The following CDV3 variants were observed in gnomAD, a reference collection of about 807,000 sequenced individuals.
CDV3 encodes the protein CDV3 homolog.
A neutral mutation model predicts 24.5 loss-of-function variants in CDV3; 14 were observed. The ratio of observed to expected loss-of-function variants is 0.57; its 90% CI spans 0.38 to 0.89. CDV3 has a LOEUF of 0.89. Among genes scored for constraint, CDV3 ranks in the 40% least tolerant of loss-of-function variants. CDV3 has a pLI of 0.00. For synonymous variants in CDV3, 114 were observed against 114.1 expected (o/e 1.00, Z 0.00); for missense variants, 304 against 310.2 (o/e 0.98, Z 0.15).
chr3:133,578,956 T>C (rs2074918149), intron 2 of CDV3, among the ~76,000 whole-genome samples: 1 of 152,204 alleles, frequency 6.6e-6, no homozygotes, highest in Admixed American at 6.6e-5. Context: ...TCTCAAATCT[T>C]AGAGAATATT....
rs1424963103 is a variant in CDV3, at chr3:133,589,658, G to A, written c.*1612G>A. On this transcript the variant is annotated 3_prime_UTR_variant, in exon 5 of 5. Transcript: ENST00000264993. ...TGAGTAAAACTATTTTGACGTGGGA[G>A]CGTTTTCAGATAGGAGTTTAGTCTT... 1 of 152,644 alleles carries A rather than the reference G, an allele frequency of 6.6e-6. No individual in the cohort carries two copies. Among genetic ancestry groups the A allele is most frequent in the Non-Finnish European group, 1.5e-5 (1 of 68,048 alleles). 9.5% of individuals were successfully genotyped at this position (152,644 alleles called of 1,614,324 possible). A position where few individuals can be genotyped will look rare whatever the true frequency, so the allele number is the denominator to read the frequency against.
intron 2 of CDV3, among the ~76,000 whole-genome samples, chr3:133,578,208 A>G (rs2074889978): frequency 6.6e-6 from 1 of 152,108 alleles, no homozygotes; most frequent in Admixed American, 6.5e-5. Flanking sequence ...GCTGGTCTCA[A>G]AACTCCTGGC....
intron 2 of CDV3, among the ~76,000 whole-genome samples, chr3:133,581,051 C>T (rs1932963974): frequency 6.6e-6 from 1 of 151,956 alleles, no homozygotes; most frequent in Non-Finnish European, 1.5e-5. Flanking sequence ...GAGATACTGT[C>T]ACTATTCCAT....
chr3:133,583,330 TC>T (rs1196854663), intron 2 of CDV3, among the ~76,000 whole-genome samples: 1 of 152,228 alleles, frequency 6.6e-6, no homozygotes, highest in Non-Finnish European at 1.5e-5. Context: ...CTTTCAAAAC[TC>T]TTCATTTGCT....
chr3:133,575,071 A>T lies in CDV3; in HGVS notation c.273A>T (p.Lys91Asn), dbSNP rs1280568662. The T allele has an allele frequency of 2.5e-6, 4 of 1,606,978 alleles. No homozygotes were observed. The highest frequency in any genetic ancestry group is 3.4e-6 in the Non-Finnish European group (4 of 1,173,624). The change falls in exon 2 of 5, where the codon AAA (lysine) becomes AAT (asparagine). Residue 91 changes from lysine to asparagine, a missense_variant. This residue lies in a region of CDV3 where 219 missense variants were observed against 203.6 expected (regional missense o/e 1.08). Coordinates refer to ENST00000264993, the MANE Select transcript of CDV3 (RefSeq NM_017548.5). ...DEDEWKELEQ[K>N]EVDYSGLRVQ... is the part of the protein sequence containing the mutation. ...ATGAATGGAAAGAATTGGAGCAAAA[A>T]GAGGTTGATTACAGCGGCCTCAGGG...
In CDV3 at chr3:133,588,598, A is replaced by G. The variant is rs1186413891; in HGVS notation, c.*552A>G. 1 of 591,104 alleles carries G rather than the reference A, an allele frequency of 1.7e-6. No individual in the cohort carries two copies. Among genetic ancestry groups the G allele is most frequent in the Non-Finnish European group, 3.0e-6 (1 of 332,358 alleles). The allele number at this position is 591,104 out of a possible 1,614,324, so 36.6% of individuals were successfully genotyped here. ...CCTGTCCTGTGCCCTACCCTTAAGG[A>G]ATACTCTCTGTAGTAGGCTGTTGTT... On this transcript the variant is annotated 3_prime_UTR_variant, in exon 5 of 5. Coordinates refer to ENST00000264993, the MANE Select transcript of CDV3 (RefSeq NM_017548.5).
chr3:133,588,293 G>A lies in CDV3; in HGVS notation c.*247G>A. ...AACAGTGTTCTTTCATATTTACTCT[G>A]CAAATACAAAAAACCAAAACCTGCA... On this transcript the variant is annotated 3_prime_UTR_variant, in exon 5 of 5. Transcript: ENST00000264993. 1.3e-6 allele frequency: 2 copies of A among 1,537,958 alleles called. No homozygotes were observed. Among genetic ancestry groups the A allele is most frequent in the East Asian group, 2.4e-5 (1 of 40,914 alleles).
chr3:133,580,129 C>A (rs1485643073), intron 2 of CDV3, among the ~76,000 whole-genome samples: 1 of 151,712 alleles, frequency 6.6e-6, no homozygotes, highest in African/African-American at 2.4e-5. Context: ...CAGTCCCCCA[C>A]CCCCCAACAG....
At position 133,586,431 on chromosome 3, in the gene CDV3, C is replaced by T. The variant is rs371038182; in HGVS notation, c.467-132C>T. The T allele has an allele frequency of 1.3e-4, 78 of 587,412 alleles. 3 individuals carry two copies. Among genetic ancestry groups the T allele is most frequent in the African/African-American group, 2.5e-4 (13 of 52,882 alleles). The allele number at this position is 587,412 out of a possible 1,614,324, so 36.4% of individuals were successfully genotyped here. A position where few individuals can be genotyped will look rare whatever the true frequency, so the allele number is the denominator to read the frequency against. ...TTCAGACATTTTCTGAAATGAATTC[C>T]CTTCTGTGGTCTGACCCAGAGACCC... On this transcript the variant is annotated intron_variant, in intron 3 of 4. Transcript: ENST00000264993.
At chr3:133,574,358 G>T (rs985476295) in intron 1 of CDV3, 74 bp downstream of exon 1, 1 of 924,464 alleles carries the variant, frequency 1.1e-6, no homozygotes, top group South Asian at 5.0e-5. Context: ...CCCGCCTGCC[G>T]GGGAAGCGTC....
In CDV3 at chr3:133,586,719, G is replaced by A. The variant is rs1217550679; in HGVS notation, c.623G>A (p.Arg208Gln). ...LQSTAKHVES[R>Q]KDKEMEKSFE... ...TCAACTGCCAAGCATGTAGAAAGCC[G>A]GAAGTAAGTACTATAATTAATTGCA... The change falls in exon 4 of 5, where the codon CGG (arginine) becomes CAG (glutamine). Residue 208 changes from arginine (R) to glutamine (Q), a missense_variant. Arg to Gln is a conservative substitution (Grantham distance 43). This residue lies in a region of CDV3 where 29 missense variants were observed against 55.8 expected (regional missense o/e 0.52). Coordinates refer to ENST00000264993, the MANE Select transcript of CDV3 (RefSeq NM_017548.5). The A allele has an allele frequency of 7.6e-6, 12 of 1,576,912 alleles. No individual in the cohort carries two copies. The highest frequency in any genetic ancestry group is 1.3e-5 in the African/African-American group (1 of 74,158).
chr3:133,582,516 G>A (rs1933145590), intron 2 of CDV3, among the ~76,000 whole-genome samples: 1 of 152,224 alleles, frequency 6.6e-6, no homozygotes, highest in Admixed American at 6.5e-5. Context: ...AAAGGAGACT[G>A]TCAAGCTAGT....
chr3:133,577,609 C>G lies in CDV3; in HGVS notation c.317+2494C>G, dbSNP rs139003996. 3.2e-3 allele frequency among the ~76,000 whole-genome samples: 484 copies of G among 152,292 alleles called. 2 individuals are homozygous for G. The highest frequency in any genetic ancestry group is 5.2e-3 in the Non-Finnish European group (352 of 68,024). On this transcript the variant is annotated intron_variant, in intron 2 of 4. Transcript: ENST00000264993. ...TCCCGACCTCGGGTGATCCACCCACCTCGGCCTTCCAAAGTGCTGGGATCA... is the reference window on the plus strand; with the variant it reads ...TCCCGACCTCGGGTGATCCACCCACGTCGGCCTTCCAAAGTGCTGGGATCA...
At position 133,574,039 on chromosome 3, in the gene CDV3, G is replaced by A. The variant is rs767803912; in HGVS notation, c.-6G>A. 4 of 1,174,030 alleles carry A rather than the reference G, an allele frequency of 3.4e-6. No individual in the cohort carries two copies. Among genetic ancestry groups the A allele is most frequent in the South Asian group, 1.8e-5 (1 of 54,824 alleles). 72.7% of individuals were successfully genotyped at this position (1,174,030 alleles called of 1,614,324 possible). ...CCCACCCATCCGGGTCGAGGAGGCC[G>A]AGGCCATGGCTGAGACGGAGGAGCG... On this transcript the variant is annotated 5_prime_UTR_variant, in exon 1 of 5. Coordinates refer to ENST00000264993, the MANE Select transcript of CDV3 (RefSeq NM_017548.5).
At chr3:133,575,996 A>G (rs1189448380) in intron 2 of CDV3, among the ~76,000 whole-genome samples, 3 of 152,266 alleles carry the variant, frequency 2.0e-5, no homozygotes, top group Non-Finnish European at 4.4e-5. Flanking sequence ...TTTTATAGGC[A>G]ATGCCAGTGA....
chr3:133,581,596 A>T (rs1933031276), intron 2 of CDV3, among the ~76,000 whole-genome samples: 1 of 152,196 alleles, frequency 6.6e-6, no homozygotes, highest in Admixed American at 6.5e-5. Flanking sequence ...ATTGAGGTAT[A>T]AAGAAATGAA....
intron 1 of CDV3, 60 bp downstream of exon 1, chr3:133,574,344 C>T: frequency 1.1e-6 from 1 of 915,042 alleles, no homozygotes; most frequent in Non-Finnish European, 1.3e-6. Context: ...CCCATGTGCC[C>T]GCCCCCGCCT....
intron 1 of CDV3, chr3:133,574,645 G>A: frequency 9.7e-7 from 1 of 1,030,302 alleles, no homozygotes. Flanking sequence ...AGTAGTTTGA[G>A]CTGAATTTTC....
chr3:133,580,560 G>T (rs1293269626), intron 2 of CDV3, among the ~76,000 whole-genome samples: 1 of 152,100 alleles, frequency 6.6e-6, no homozygotes, highest in Non-Finnish European at 1.5e-5. Context: ...AAATTAGCTG[G>T]GCATGATGGC....
Sources: allele counts gnomAD v4.1 joint callset (sites outside exome capture counted in the v4.1 genomes callset), GRCh38; gene constraint gnomAD v4.1.1; regional missense constraint gnomAD v4.1.1; transcripts MANE v1.5; gene names NCBI Gene and HGNC (gene_info 2026-07-23, HGNC 2026-07-21).